Variants in ZZZ3 observed in about 807,000 individuals in gnomAD.
ZZZ3 encodes ZZ-type zinc finger-containing protein 3.
A neutral mutation model predicts 95.2 loss-of-function variants in ZZZ3; 22 were observed. The observed-to-expected ratio is 0.23, with a 90% confidence interval of 0.17 to 0.33. The LOEUF (loss-of-function observed/expected upper bound fraction) is 0.33. ZZZ3 is among the 10% of genes least tolerant of loss of function. The pLI, the probability that ZZZ3 is intolerant of heterozygous loss-of-function variation, is 1.00. For synonymous variants in ZZZ3, 335 were observed against 358.9 expected (o/e 0.93, Z 0.75); for missense variants, 885 against 1,066.5 (o/e 0.83, Z 2.37).
chr1:77,566,039 T>C, intron 14 of ZZZ3, 42 bp downstream of exon 14: 3 of 1,488,962 alleles, frequency 2.0e-6, no homozygotes, highest in Non-Finnish European at 2.8e-6. Flanking sequence ...AGAAGCTCTT[T>C]TCTTGTCTAA....
At chr1:77,678,090 C>T (rs1239596141) in intron 1 of ZZZ3, among the ~76,000 whole-genome samples, 1 of 152,096 alleles carries the variant, frequency 6.6e-6, no homozygotes, top group Non-Finnish European at 1.5e-5. Flanking sequence ...GACACTTGGG[C>T]TAATAGACTC....
intron 5 of ZZZ3, among the ~76,000 whole-genome samples, chr1:77,588,939 G>A (rs1044829195): frequency 1.1e-4 from 17 of 152,308 alleles, no homozygotes; most frequent in African/African-American, 4.1e-4. Flanking sequence ...GGTGGGCAAC[G>A]TCAGATCATG....
intron 1 of ZZZ3, among the ~76,000 whole-genome samples, chr1:77,663,712 A>G (rs1289670434): frequency 6.6e-6 from 1 of 151,980 alleles, no homozygotes; most frequent in Non-Finnish European, 1.5e-5. Context: ...CTGAGACTAT[A>G]TAAAACTAAA....
At position 77,602,602 on chromosome 1, in the gene ZZZ3, A is replaced by ATTTTT. The variant is rs33915566; in HGVS notation, c.1506-17952_1506-17948dup. On this transcript the variant is annotated intron_variant, in intron 5 of 14. Coordinates refer to ENST00000370801, the MANE Select transcript of ZZZ3 (RefSeq NM_015534.6). Reference sequence around the variant, plus strand: ...CCAGACACAACCATTATTTTTACTGATTTTTTTTTTTTTTTTTTTTTGAGA... The same window carrying ATTTTT: ...CCAGACACAACCATTATTTTTACTGATTTTTTTTTTTTTTTTTTTTTTTTTTGAGA... 5.9e-4 allele frequency among the ~76,000 whole-genome samples: 69 copies of ATTTTT among 117,936 alleles called. 3 individuals carry two copies. Among genetic ancestry groups the ATTTTT allele is most frequent in the Non-Finnish European group, 9.0e-4 (54 of 59,676 alleles). 77.4% of individuals were successfully genotyped at this position (117,936 alleles called of 152,430 possible). A position where few individuals can be genotyped will look rare whatever the true frequency, so the allele number is the denominator to read the frequency against.
intron 1 of ZZZ3, among the ~76,000 whole-genome samples, chr1:77,667,951 GAC>G (rs1414892469): frequency 1.8e-4 from 27 of 151,780 alleles, no homozygotes; most frequent in Non-Finnish European, 3.5e-4. Flanking sequence ...TTTTAGTAGA[GAC>G]ACAGGGTTTC....
chr1:77,659,924 C>T (rs1367184008), intron 1 of ZZZ3, among the ~76,000 whole-genome samples: 1 of 152,066 alleles, frequency 6.6e-6, no homozygotes, highest in African/African-American at 2.4e-5. Context: ...CCTCAAATTC[C>T]TGGGCTCAAG....
intron 5 of ZZZ3, among the ~76,000 whole-genome samples, chr1:77,612,572 G>C (rs1465574547): frequency 6.6e-6 from 1 of 151,864 alleles, no homozygotes; most frequent in Non-Finnish European, 1.5e-5. Context: ...AAAGAAATGT[G>C]GTACATATAT....
At chr1:77,666,608 C>CAAAA (rs1005758910) in intron 1 of ZZZ3, among the ~76,000 whole-genome samples, 3 of 152,072 alleles carry the variant, frequency 2.0e-5, no homozygotes, top group African/African-American at 7.2e-5. Context: ...AAATCTCGCT[C>CAAAA]AATAAATAAA....
At chr1:77,657,809 A>C (rs774435583) in intron 1 of ZZZ3, among the ~76,000 whole-genome samples, 1 of 152,232 alleles carries the variant, frequency 6.6e-6, no homozygotes, top group Non-Finnish European at 1.5e-5. Flanking sequence ...GGACAATTAT[A>C]CAAAATACAA....
At chr1:77,663,842 C>T (rs570439594) in intron 1 of ZZZ3, among the ~76,000 whole-genome samples, 5 of 152,010 alleles carry the variant, frequency 3.3e-5, no homozygotes, top group East Asian at 1.9e-4. Flanking sequence ...CTCCACCTCC[C>T]GGGTTCAAGC....
At chr1:77,661,055 CA>C (rs201335878) in intron 1 of ZZZ3, among the ~76,000 whole-genome samples, 6,752 of 80,310 alleles carry the variant, frequency 0.084, 346 homozygotes, top group African/African-American at 0.22. Context: ...TGCTTTAACG[CA>C]AAAAAAAAAA....
At chr1:77,674,951 C>CAAA (rs538347422) in intron 1 of ZZZ3, among the ~76,000 whole-genome samples, 1 of 73,612 alleles carries the variant, frequency 1.4e-5, no homozygotes, top group Middle Eastern at 6.7e-3. Context: ...GACTCGGTCT[C>CAAA]AAAAAAAAAA....
At chr1:77,609,031 TATCAGTAATAACATTA>T (rs1305492842) in intron 5 of ZZZ3, among the ~76,000 whole-genome samples, 1 of 152,098 alleles carries the variant, frequency 6.6e-6, no homozygotes, top group Admixed American at 6.6e-5. Context: ...AGTCTTTACT[TATCAGTAATAACATTA>T]AATGTAAATG....
In ZZZ3 at chr1:77,563,055, T is replaced by A. The variant is rs767263345; in HGVS notation, c.*2585A>T. ...AGTTATCATATGCTTGCTTGGCACA[T>A]AGTAAACACTGTATCAGTGTTTTCT... On this transcript the variant is annotated 3_prime_UTR_variant, in exon 15 of 15. Transcript: ENST00000370801. 1 of 152,226 alleles carries A rather than the reference T, an allele frequency of 6.6e-6. No individual in the cohort carries two copies. Among genetic ancestry groups the A allele is most frequent in the Non-Finnish European group, 1.5e-5 (1 of 68,040 alleles). The allele number at this position is 152,226 out of a possible 1,614,324, so 9.4% of individuals were successfully genotyped here.
At chr1:77,642,174 G>C (rs1668837570) in intron 1 of ZZZ3, among the ~76,000 whole-genome samples, 1 of 151,962 alleles carries the variant, frequency 6.6e-6, no homozygotes, top group South Asian at 2.1e-4. Context: ...TGACATGTAG[G>C]TATACAAACA....
intron 6 of ZZZ3, among the ~76,000 whole-genome samples, chr1:77,582,525 ATAAC>A (rs1441497074): frequency 6.6e-6 from 1 of 152,152 alleles, no homozygotes; most frequent in Non-Finnish European, 1.5e-5. Context: ...AGTCAACAAC[ATAAC>A]TAATATGATA....
intron 5 of ZZZ3, among the ~76,000 whole-genome samples, chr1:77,624,322 G>A (rs1667146609): frequency 6.6e-6 from 1 of 152,126 alleles, no homozygotes; most frequent in Non-Finnish European, 1.5e-5. Flanking sequence ...TTCTAATAAA[G>A]TCACTCTGGG....
At chr1:77,671,009 G>T (rs1235670005) in intron 1 of ZZZ3, among the ~76,000 whole-genome samples, 1 of 151,284 alleles carries the variant, frequency 6.6e-6, no homozygotes, top group Non-Finnish European at 1.5e-5. Flanking sequence ...TGTTTTTTTG[G>T]GGGGGTGGTG....
In ZZZ3 at chr1:77,598,135, C is replaced by T. The variant is rs559275177; in HGVS notation, c.1506-13480G>A. 5.9e-5 allele frequency among the ~76,000 whole-genome samples: 9 copies of T among 152,204 alleles called. No homozygotes were observed. The East Asian group carries it at 1.5e-3, about 26-fold the overall frequency. Reference sequence around the variant, plus strand: ...CTAAAATACTTTTGACTCCCGAAAACTTAACTACTAAGACTACTGTTGACC... The same window carrying T: ...CTAAAATACTTTTGACTCCCGAAAATTTAACTACTAAGACTACTGTTGACC... On this transcript the variant is annotated intron_variant, in intron 5 of 14. Coordinates refer to ENST00000370801, the MANE Select transcript of ZZZ3 (RefSeq NM_015534.6).
Sources: gnomAD v4.1 joint callset for allele counts (sites outside exome capture counted in the v4.1 genomes callset) on GRCh38, gnomAD v4.1.1 for gene constraint, MANE v1.5 for transcripts, NCBI Gene and HGNC (gene_info 2026-07-23, HGNC 2026-07-21) for gene names.